Variants in ADSS2 observed in about 807,000 individuals in gnomAD.
ADSS2 encodes the protein adenylosuccinate synthetase isozyme 2.
A neutral mutation model predicts 60.0 loss-of-function variants in ADSS2; 30 were observed. The ratio of observed to expected loss-of-function variants is 0.50; its 90% confidence interval spans 0.37 to 0.68. ADSS2 has a LOEUF of 0.68. ADSS2 is among the 30% of genes least tolerant of loss of function. The pLI is 0.00. For synonymous variants in ADSS2, 187 were observed against 193.1 expected (o/e 0.97, Z 0.26); for missense variants, 373 against 554.8 (o/e 0.67, Z 3.29).
intron 1 of ADSS2, among the ~76,000 whole-genome samples, chr1:244,446,164 T>C (rs1665379253): frequency 6.6e-6 from 1 of 152,234 alleles, no homozygotes; most frequent in African/African-American, 2.4e-5. Context: ...ATGCTTATTA[T>C]CTATGCTGCT....
chr1:244,442,144 T>A (rs1477813424), intron 1 of ADSS2, among the ~76,000 whole-genome samples: 2 of 152,212 alleles, frequency 1.3e-5, no homozygotes, highest in Non-Finnish European at 2.9e-5. Flanking sequence ...AATGACAATG[T>A]TCTTATTGTG....
chr1:244,451,954 G>A (rs1184595748), upstream of ADSS2: 10 of 910,308 alleles, frequency 1.1e-5, no homozygotes, highest in South Asian at 5.9e-5. This position sits in a 1 kb window ranked among gnomAD's most constrained non-coding sequence, Gnocchi z 6.6. Context: ...CCGCCGGGCC[G>A]CCACCCTCCA....
In ADSS2 at chr1:244,435,363, A is replaced by G. The variant is rs373833603; in HGVS notation, c.355+1462T>C. On this transcript the variant is annotated intron_variant, in intron 3 of 12. Transcript: ENST00000366535. ...TTTCAGATTTTTTTTGGACTTTGGA[A>G]TATCTGCATATAAATAATGAGATCT... is the stretch of plus-strand genomic sequence containing the variant. Among the ~76,000 whole-genome samples the G allele has an allele frequency of 2.1e-4, 32 of 152,112 alleles. 1 individual carries two copies. Among genetic ancestry groups the G allele is most frequent in the African/African-American group, 7.5e-4 (31 of 41,506 alleles).
In ADSS2 at chr1:244,419,815, C is replaced by T. The variant is rs185212272; in HGVS notation, c.790+355G>A. On this transcript the variant is annotated intron_variant, in intron 8 of 12. Coordinates refer to ENST00000366535, the MANE Select transcript of ADSS2 (RefSeq NM_001126.5). Reference sequence around the variant, plus strand: ...ATAAATCTTGCTTAATAATAATGTACACATTTTTAAAAGGTTGAATTAAAG... The same window carrying T: ...ATAAATCTTGCTTAATAATAATGTATACATTTTTAAAAGGTTGAATTAAAG... Among the ~76,000 whole-genome samples the T allele has an allele frequency of 1.0e-3, 157 of 152,192 alleles. 1 individual carries two copies. Among genetic ancestry groups the T allele is most frequent in the Admixed American group, 1.4e-3 (22 of 15,296 alleles).
chr1:244,444,320 C>T (rs1665327022), intron 1 of ADSS2, among the ~76,000 whole-genome samples: 1 of 150,524 alleles, frequency 6.6e-6, no homozygotes. Flanking sequence ...TCGAGACCAT[C>T]CCGGCTAAAA....
intron 12 of ADSS2, among the ~76,000 whole-genome samples, 185 bp from the exon 13 acceptor site, chr1:244,409,823 C>A (rs1387551477): frequency 2.0e-5 from 3 of 151,896 alleles, no homozygotes; most frequent in African/African-American, 4.8e-5. Flanking sequence ...CAAATAAGAC[C>A]CAGCACAGGA....
At position 244,409,369 on chromosome 1, in the gene ADSS2, C is replaced by G. The variant is rs1664360290; in HGVS notation, c.*217G>C. 9.7e-6 allele frequency: 4 copies of G among 410,986 alleles called. No individual in the cohort carries two copies. The highest frequency in any genetic ancestry group is 1.7e-5 in the Non-Finnish European group (4 of 232,198). The allele number at this position is 410,986 out of a possible 1,614,324, so 25.5% of individuals were successfully genotyped here. The stretch of plus-strand genomic sequence containing the variant: ...GGCACCATGAGAGCAGCAGGAGCAA[C>G]AAATGATTTGGCAATTCCAGCTAAA... On this transcript the variant is annotated 3_prime_UTR_variant, in exon 13 of 13. Transcript: ENST00000366535.
At chr1:244,447,406 A>G (rs997491432) in intron 1 of ADSS2, among the ~76,000 whole-genome samples, 8 of 152,220 alleles carry the variant, frequency 5.3e-5, no homozygotes, top group African/African-American at 1.9e-4. Context: ...AATTTTGATC[A>G]GACACCACTG....
In ADSS2 at chr1:244,435,168, C is replaced by CAAAAAAAAAAAAAAA. The variant is rs60576167; in HGVS notation, c.355+1642_355+1656dup. On this transcript the variant is annotated intron_variant, in intron 3 of 12. Coordinates refer to ENST00000366535, the MANE Select transcript of ADSS2 (RefSeq NM_001126.5). Reference sequence around the variant, plus strand: ...GGGTGACAGAGAGAGACTCCGTCTCCAAAAAAAAAAAAAAAAAAAAAAAAA... The same window carrying CAAAAAAAAAAAAAAA: ...GGGTGACAGAGAGAGACTCCGTCTCCAAAAAAAAAAAAAAAAAAAAAAAAAAAAAAAAAAAAAAAA... Among the ~76,000 whole-genome samples the CAAAAAAAAAAAAAAA allele has an allele frequency of 9.7e-4, 50 of 51,744 alleles. 6 individuals carry two copies. The highest frequency in any genetic ancestry group is 4.1e-3 in the African/African-American group (49 of 12,002). 33.9% of individuals were successfully genotyped at this position (51,744 alleles called of 152,430 possible). A position where few individuals can be genotyped will look rare whatever the true frequency, so the allele number is the denominator to read the frequency against.
At chr1:244,425,401 C>T (rs1664781052) in intron 4 of ADSS2, among the ~76,000 whole-genome samples, 1 of 152,024 alleles carries the variant, frequency 6.6e-6, no homozygotes, top group Admixed American at 6.6e-5. Context: ...TCACTGTTTC[C>T]AAATAATTAA....
In ADSS2 at chr1:244,425,605, CTTCT is replaced by C. The variant is rs1664785966; in HGVS notation, c.407-1222_407-1219del. On this transcript the variant is annotated intron_variant, in intron 4 of 12. Transcript: ENST00000366535. Reference sequence around the variant, plus strand: ...CTGCCCCTAAAACCATGTATGTACTCTTCTCTAATTCCCTCCTTTTGAGACACTA... The same window carrying C: ...CTGCCCCTAAAACCATGTATGTACTCCTAATTCCCTCCTTTTGAGACACTA... 2.6e-5 allele frequency among the ~76,000 whole-genome samples: 4 copies of C among 152,244 alleles called. No individual in the cohort carries two copies. In the South Asian group the frequency reaches 8.3e-4, roughly 32 times the overall value.
chr1:244,442,268 CAA>C (rs1491220159), intron 1 of ADSS2, among the ~76,000 whole-genome samples: 3 of 143,250 alleles, frequency 2.1e-5, no homozygotes, highest in African/African-American at 5.2e-5. Context: ...CACACACACA[CAA>C]ATTTTTTAGG....
intron 2 of ADSS2, 103 bp from the exon 3 acceptor site, chr1:244,436,996 C>T (rs1379970996): frequency 2.2e-6 from 2 of 896,872 alleles, no homozygotes; most frequent in Admixed American, 2.3e-5. Context: ...AGAAATGATT[C>T]CAAGTTTTAC....
In ADSS2 at chr1:244,409,544, C is replaced by T. The variant is rs1348954085; in HGVS notation, c.*42G>A. 1 of 1,461,402 alleles carries T rather than the reference C, an allele frequency of 6.8e-7. No homozygotes were observed. Among genetic ancestry groups the T allele is most frequent in the Admixed American group, 1.8e-5 (1 of 56,108 alleles). 90.5% of individuals were successfully genotyped at this position (1,461,402 alleles called of 1,614,324 possible). A position where few individuals can be genotyped will look rare whatever the true frequency, so the allele number is the denominator to read the frequency against. ...AATGAAATATTTAAGAAAGTCTTTT[C>T]CCCTCCCTCTCAAGGAGTGTTTCTT... On this transcript the variant is annotated 3_prime_UTR_variant, in exon 13 of 13. Transcript: ENST00000366535.
intron 4 of ADSS2, among the ~76,000 whole-genome samples, chr1:244,426,141 A>G (rs1285297404): frequency 6.6e-6 from 1 of 152,194 alleles, no homozygotes; most frequent in Non-Finnish European, 1.5e-5. Flanking sequence ...AGGCCAGAAT[A>G]GTTCTGAAGG....
chr1:244,414,016 T>A (rs1033881158), intron 11 of ADSS2, among the ~76,000 whole-genome samples: 1 of 152,116 alleles, frequency 6.6e-6, no homozygotes, highest in African/African-American at 2.4e-5. Context: ...AGCTTAAAGT[T>A]TGAAAAACAT....
chr1:244,433,338 A>T (rs1222870946), intron 3 of ADSS2, among the ~76,000 whole-genome samples: 3 of 152,230 alleles, frequency 2.0e-5, no homozygotes, highest in African/African-American at 4.8e-5. Flanking sequence ...GAGTTTTCTC[A>T]CATGTCATTC....
chr1:244,444,514 C>CAAAAAAAAAAAAAAAAAAAAAA (rs56001597), intron 1 of ADSS2, among the ~76,000 whole-genome samples: 11 of 42,548 alleles, frequency 2.6e-4, no homozygotes, highest in Admixed American at 8.7e-4. Context: ...GACTCCATCT[C>CAAAAAAAAAAAAAAAAAAAAAA]AAAAAAAAAA....
intron 2 of ADSS2, among the ~76,000 whole-genome samples, chr1:244,437,149 T>C (rs943222833): frequency 6.6e-6 from 1 of 152,146 alleles, no homozygotes; most frequent in Non-Finnish European, 1.5e-5. Flanking sequence ...TTTAAGCAAA[T>C]GGAACATGGT....
Sources: allele counts gnomAD v4.1 joint callset (sites outside exome capture counted in the v4.1 genomes callset), GRCh38; gene constraint gnomAD v4.1.1; non-coding constraint Gnocchi (gnomAD v3.1); transcripts MANE v1.5; gene names NCBI Gene and HGNC (gene_info 2026-07-23, HGNC 2026-07-21).